Variants in TMTC2 observed in about 807,000 individuals in gnomAD.
The protein encoded by TMTC2 is protein O-mannosyl-transferase TMTC2.
Under a neutral mutation model 82.4 loss-of-function variants are expected in TMTC2, and 43 were observed. The observed-to-expected ratio is 0.52, with a 90% CI of 0.41 to 0.67. TMTC2 has a LOEUF of 0.67. Among genes scored for constraint, TMTC2 ranks in the 30% least tolerant of loss-of-function variants. The pLI is 0.00. For synonymous variants in TMTC2, 408 were observed against 381.9 expected, an observed-to-expected ratio of 1.07 and a Z score of -0.80; for missense variants, 919 against 1,012.4, an observed-to-expected ratio of 0.91 and a Z score of 1.25.
intron 4 of TMTC2, among the ~76,000 whole-genome samples, chr12:82,961,547 G>A (rs892322576): frequency 2.0e-5 from 3 of 152,042 alleles, no homozygotes; most frequent in Non-Finnish European, 4.4e-5. Flanking sequence ...ATCGGAAACT[G>A]TTCTAATTCT....
At chr12:82,801,571 G>A (rs1879001746) in intron 1 of TMTC2, among the ~76,000 whole-genome samples, 1 of 152,144 alleles carries the variant, frequency 6.6e-6, no homozygotes, top group African/African-American at 2.4e-5. Flanking sequence ...TTGACAGATT[G>A]CTGATTAGTG....
chr12:82,858,350 C>T (rs1359990586), intron 2 of TMTC2, among the ~76,000 whole-genome samples: 1 of 152,180 alleles, frequency 6.6e-6, no homozygotes, highest in African/African-American at 2.4e-5. Flanking sequence ...GTCTGCCTTC[C>T]CATCTCCCCA....
In TMTC2 at chr12:82,687,679, C is replaced by A; in HGVS notation, c.83+10C>A. On this transcript the variant is annotated intron_variant, in intron 1 of 11. Coordinates refer to ENST00000321196, the MANE Select transcript of TMTC2 (RefSeq NM_152588.3). ...TCTGCTATGATGACAGGTAAGGGGCCGAGAGGAGGGGGCGACGGGCTGCAG... is the reference window on the plus strand; with the variant it reads ...TCTGCTATGATGACAGGTAAGGGGCAGAGAGGAGGGGGCGACGGGCTGCAG... 1 of 1,600,710 alleles carries A rather than the reference C, an allele frequency of 6.2e-7. No homozygotes were observed. Among genetic ancestry groups the A allele is most frequent in the African/African-American group, 1.3e-5 (1 of 74,990 alleles).
chr12:82,739,942 A>G (rs1400182524), intron 1 of TMTC2, among the ~76,000 whole-genome samples: 3 of 152,002 alleles, frequency 2.0e-5, no homozygotes, highest in Non-Finnish European at 4.4e-5. Context: ...TGATTGTTAT[A>G]AAGATGAAAT....
intron 1 of TMTC2, among the ~76,000 whole-genome samples, chr12:82,844,757 G>T (rs973194077): frequency 1.3e-5 from 2 of 150,732 alleles, no homozygotes; most frequent in Non-Finnish European, 3.0e-5. Context: ...AGCCGAGATC[G>T]CATCACTGCA....
At chr12:82,989,665 C>G (rs574005654) in intron 8 of TMTC2, among the ~76,000 whole-genome samples, 1 of 151,490 alleles carries the variant, frequency 6.6e-6, no homozygotes, top group East Asian at 1.9e-4. Context: ...ACCATGTGAC[C>G]TTTCTAAAAA....
intron 4 of TMTC2, among the ~76,000 whole-genome samples, chr12:82,960,251 C>T (rs1218229819): frequency 6.6e-6 from 1 of 151,990 alleles, no homozygotes; most frequent in African/African-American, 2.4e-5. Flanking sequence ...AACAGAACTA[C>T]CATTTGACCC....
At chr12:83,126,040 A>G (rs1489021333) in intron 11 of TMTC2, among the ~76,000 whole-genome samples, 3 of 152,266 alleles carry the variant, frequency 2.0e-5, no homozygotes, top group African/African-American at 7.2e-5. Flanking sequence ...TCATTAAGAG[A>G]AGGTATTCAG....
intron 1 of TMTC2, among the ~76,000 whole-genome samples, chr12:82,844,930 TA>T (rs1870554810): frequency 6.6e-6 from 1 of 151,416 alleles, no homozygotes; most frequent in Non-Finnish European, 1.5e-5. Context: ...GTTTTTAATA[TA>T]GAAAAACTGT....
chr12:82,910,065 A>G (rs1488353747), intron 3 of TMTC2, among the ~76,000 whole-genome samples: 1 of 152,192 alleles, frequency 6.6e-6, no homozygotes, highest in East Asian at 1.9e-4. Context: ...GATTTTCGAG[A>G]GGACAAACAC....
rs1885339478 is a variant in TMTC2 at position 83,133,713 on chromosome 12, T to C, written c.*1324T>C. On this transcript the variant is annotated 3_prime_UTR_variant, in exon 12 of 12. Transcript: ENST00000321196. ...TAGAGAACAACATTTTTATTGAACA[T>C]TTTTGGCTTGCAATCAAACTTTGCC... 1 of 152,220 alleles carries C rather than the reference T, an allele frequency of 6.6e-6. No individual in the cohort carries two copies. Among genetic ancestry groups the C allele is most frequent in the Admixed American group, 6.5e-5 (1 of 15,288 alleles). The allele number at this position is 152,220 out of a possible 1,614,324, so 9.4% of individuals were successfully genotyped here.
intron 1 of TMTC2, among the ~76,000 whole-genome samples, chr12:82,752,084 A>G (rs1592900071): frequency 6.6e-6 from 1 of 152,044 alleles, no homozygotes; most frequent in African/African-American, 2.4e-5. Context: ...TAGTTGTTAA[A>G]TAGATACATT....
chr12:82,804,166 C>T (rs1879138918), intron 1 of TMTC2, among the ~76,000 whole-genome samples: 1 of 152,028 alleles, frequency 6.6e-6, no homozygotes, highest in Admixed American at 6.6e-5. Context: ...AGAAGTGCAG[C>T]CTCACAGAAT....
At chr12:83,097,180 C>A (rs1884057829) in intron 11 of TMTC2, among the ~76,000 whole-genome samples, 1 of 152,136 alleles carries the variant, frequency 6.6e-6, no homozygotes, top group African/African-American at 2.4e-5. Flanking sequence ...TCAATTCAGG[C>A]TGCTTTTCAT....
intron 6 of TMTC2, 97 bp from the exon 7 acceptor site, chr12:82,966,821 GA>G (rs1481260914): frequency 1.2e-6 from 1 of 812,566 alleles, no homozygotes; most frequent in Non-Finnish European, 1.9e-6. Flanking sequence ...AATAGCAGTG[GA>G]TGGTTTTAAC....
chr12:83,100,065 G>A (rs572939082), intron 11 of TMTC2, among the ~76,000 whole-genome samples: 5 of 151,930 alleles, frequency 3.3e-5, no homozygotes, highest in South Asian at 2.1e-4. Context: ...GATTCCCGGC[G>A]CCCGCCACCA....
chr12:83,006,379 C>T (rs11831868), intron 8 of TMTC2, among the ~76,000 whole-genome samples: 2,720 of 152,292 alleles, frequency 0.018, 71 homozygotes, highest in African/African-American at 0.061. Flanking sequence ...CTTTTCCCTC[C>T]TCTTCTTAGG....
chr12:82,760,027 T>G (rs1876525361), intron 1 of TMTC2: 1 of 152,314 alleles, frequency 6.6e-6, no homozygotes, highest in South Asian at 2.1e-4. Context: ...GCTGCTGGAT[T>G]ATTTCCTGTG....
intron 1 of TMTC2, among the ~76,000 whole-genome samples, chr12:82,752,479 C>A (rs995854370): frequency 6.6e-6 from 1 of 152,032 alleles, no homozygotes; most frequent in Non-Finnish European, 1.5e-5. Context: ...GAGCGAGACT[C>A]CATCTCAAAA....
Sources: allele counts gnomAD v4.1 joint callset (sites outside exome capture counted in the v4.1 genomes callset), GRCh38; gene constraint gnomAD v4.1.1; transcripts MANE v1.5; gene names NCBI Gene and HGNC (gene_info 2026-07-23, HGNC 2026-07-21).